Variants in PCDHA8 observed in about 807,000 individuals in gnomAD.
The protein encoded by PCDHA8 is protocadherin alpha 8, also known as protocadherin alpha-8.
PCDHA8 carries 53 observed loss-of-function variants against 61.8 expected under a neutral mutation model. That is an observed-to-expected ratio of 0.86 (90% confidence interval 0.69 to 1.08). The LOEUF (loss-of-function observed/expected upper bound fraction) is 1.08, where lower values mean the gene tolerates loss of function less well. PCDHA8 is among the 50% of genes least tolerant of loss of function. The pLI, the probability that PCDHA8 is intolerant of heterozygous loss-of-function variation, is 0.00. For synonymous variants in PCDHA8, 618 were observed against 556.6 expected (o/e 1.11, Z -1.55); for missense variants, 1,293 against 1,245.0 (o/e 1.04, Z -0.58).
At chr5:140,856,701 AAC>A (rs2150363820) in intron 1 of PCDHA8, 1 of 1,597,018 alleles carries the variant, frequency 6.3e-7, no homozygotes, top group East Asian at 2.2e-5. Context: ...GATGGAGGCA[AAC>A]CTGAATTTAC....
In PCDHA8 at chr5:140,843,056, A is replaced by C; in HGVS notation, c.1735A>C (p.Lys579Gln). Residue 579 changes from lysine to glutamine, a missense_variant, in exon 1 of 4, where the codon AAG (lysine) becomes CAG (glutamine). Lys to Gln is a moderately conservative substitution (Grantham distance 53, BLOSUM62 1). Coordinates refer to ENST00000531613, the MANE Select transcript of PCDHA8 (RefSeq NM_018911.3). ...GGGTGGCACTGGTGGCGCAGCGAGC[A>C]AGCTGGTGCCGCGGTCTGTGGGCGC... ...RVGGTGGAAS[K>Q]LVPRSVGAGH... 6.3e-7 allele frequency: 1 copy of C among 1,594,198 alleles called. No individual in the cohort carries two copies. Among genetic ancestry groups the C allele is most frequent in the Non-Finnish European group, 8.6e-7 (1 of 1,164,840 alleles).
chr5:140,874,111 G>T (rs977519429), intron 1 of PCDHA8, among the ~76,000 whole-genome samples: 2 of 152,056 alleles, frequency 1.3e-5, no homozygotes, highest in Non-Finnish European at 2.9e-5. Flanking sequence ...ATTACTTAAC[G>T]TTTTATAGTT....
intron 1 of PCDHA8, chr5:140,877,641 C>A: frequency 6.2e-7 from 1 of 1,613,592 alleles, no homozygotes; most frequent in Non-Finnish European, 8.5e-7. Flanking sequence ...CGCTGCGTTG[C>A]TCAGCGCCGC....
rs2150475215 is a variant in PCDHA8 at position 140,850,243 on chromosome 5, G to C, written c.2394+6528G>C. 8.4e-5 allele frequency: 134 copies of C among 1,593,880 alleles called. 16 individuals are homozygous for C. Among genetic ancestry groups the C allele is most frequent in the South Asian group, 5.0e-4 (45 of 90,414 alleles). On this transcript the variant is annotated intron_variant, in intron 1 of 3. Transcript: ENST00000531613. ...GGCGCAGTGAGCGAGATGGTGCTGC[G>C]GTCGGTGGGCGCCGGCGTAGTGGTG... is the stretch of plus-strand genomic sequence containing the variant.
chr5:140,903,765 C>G (rs782453519), intron 1 of PCDHA8, among the ~76,000 whole-genome samples: 1 of 152,086 alleles, frequency 6.6e-6, no homozygotes. Flanking sequence ...TTTTGCTGAA[C>G]TTTTCTATCC....
intron 1 of PCDHA8, chr5:140,862,465 G>A (rs1462351326): frequency 8.1e-6 from 3 of 371,280 alleles, no homozygotes; most frequent in Non-Finnish European, 1.6e-5. Flanking sequence ...GACCAAGAGA[G>A]CAAATCTATC....
At chr5:140,892,950 C>G (rs553307667) in intron 1 of PCDHA8, among the ~76,000 whole-genome samples, 21 of 152,188 alleles carry the variant, frequency 1.4e-4, no homozygotes, top group Non-Finnish European at 2.9e-4. Context: ...AATACTACTT[C>G]CATGAGCTCA....
intron 1 of PCDHA8, among the ~76,000 whole-genome samples, chr5:140,925,786 T>C (rs2082719026): frequency 1.3e-5 from 2 of 152,144 alleles, no homozygotes; most frequent in African/African-American, 4.8e-5. Context: ...CTAATGAGTA[T>C]CTCAGTACTT....
chr5:141,006,974 G>A (rs782657772), intron 3 of PCDHA8, among the ~76,000 whole-genome samples: 6 of 152,174 alleles, frequency 3.9e-5, no homozygotes, highest in Admixed American at 3.9e-4. Context: ...GGAGCACAGA[G>A]AGATGTGGGC....
At chr5:140,848,202 C>T in intron 1 of PCDHA8, 1 of 328,080 alleles carries the variant, frequency 3.0e-6, no homozygotes, top group South Asian at 5.4e-5. Flanking sequence ...TTTCAACAAT[C>T]ATTACTTAAG....
At chr5:140,938,684 A>T (rs1554212293) in intron 1 of PCDHA8, among the ~76,000 whole-genome samples, 1 of 152,046 alleles carries the variant, frequency 6.6e-6, no homozygotes, top group African/African-American at 2.4e-5. Flanking sequence ...CATTTTCTTT[A>T]CAGTTTTTAA....
Position 140,888,156 on chromosome 5 carries a change from A to T in PCDHA8, c.2394+44441A>T, listed in dbSNP as rs556908449. 2.0e-5 allele frequency among the ~76,000 whole-genome samples: 3 copies of T among 152,300 alleles called. No homozygotes were observed. In the South Asian group the frequency reaches 6.2e-4, roughly 32 times the overall value. On this transcript the variant is annotated intron_variant, in intron 1 of 3. Coordinates refer to ENST00000531613, the MANE Select transcript of PCDHA8 (RefSeq NM_018911.3). ...TTTCTTGCTGTTTTGCATGACTGGT[A>T]ATCTCTAATAAGATGCTAGACATTG...
intron 1 of PCDHA8, among the ~76,000 whole-genome samples, chr5:140,895,802 CTGTATTGTAT>C (rs1289601886): frequency 6.6e-6 from 1 of 152,048 alleles, no homozygotes; most frequent in Admixed American, 6.6e-5. Context: ...ATGTACAATA[CTGTATTGTAT>C]TGTATTGTAT....
intron 1 of PCDHA8, chr5:140,850,751 G>A (rs2041804257): frequency 6.3e-7 from 1 of 1,597,836 alleles, no homozygotes; most frequent in Non-Finnish European, 8.6e-7. Flanking sequence ...CGTACTCGCA[G>A]CAGAGGAGGC....
intron 1 of PCDHA8, among the ~76,000 whole-genome samples, chr5:140,962,643 T>G (rs1456773642): frequency 6.6e-6 from 1 of 152,222 alleles, no homozygotes; most frequent in Non-Finnish European, 1.5e-5. Context: ...GCCATCAAGT[T>G]ATGTGAAAAC....
At position 140,928,565 on chromosome 5, in the gene PCDHA8, C is replaced by T. The variant is rs1227327620; in HGVS notation, c.2395-50384C>T. 2.5e-6 allele frequency: 4 copies of T among 1,614,038 alleles called. No individual in the cohort carries two copies. The highest frequency in any genetic ancestry group is 3.4e-6 in the Non-Finnish European group (4 of 1,180,038). On this transcript the variant is annotated intron_variant, in intron 1 of 3. Transcript: ENST00000531613. Reference sequence around the variant, plus strand: ...GACAATTATCCGGTTATCTTGTTTCCCTTGCCCAGAAATGGTTCTGTCCCA... The same window carrying T: ...GACAATTATCCGGTTATCTTGTTTCTCTTGCCCAGAAATGGTTCTGTCCCA...
At position 140,973,488 on chromosome 5, in the gene PCDHA8, G is replaced by A. The variant is rs186493160; in HGVS notation, c.2395-5461G>A. Reference sequence around the variant, plus strand: ...GTTTGCAAATTTCATATTGGTCACAGGACTCTTCTTCTGAGAAAAAGTTTA... The same window carrying A: ...GTTTGCAAATTTCATATTGGTCACAAGACTCTTCTTCTGAGAAAAAGTTTA... On this transcript the variant is annotated intron_variant, in intron 1 of 3. Coordinates refer to ENST00000531613, the MANE Select transcript of PCDHA8 (RefSeq NM_018911.3). Among the ~76,000 whole-genome samples, 7 of 152,228 alleles carry A rather than the reference G, an allele frequency of 4.6e-5. No homozygotes were observed. The East Asian group carries it at 1.3e-3, about 29-fold the overall frequency.
chr5:140,852,789 C>T, intron 1 of PCDHA8: 1 of 977,530 alleles, frequency 1.0e-6, no homozygotes, highest in Non-Finnish European at 1.2e-6. Context: ...TAGAGGGATG[C>T]TACAGATGTC....
intron 1 of PCDHA8, among the ~76,000 whole-genome samples, chr5:140,924,565 T>A (rs1213361312): frequency 2.0e-5 from 3 of 152,102 alleles, no homozygotes; most frequent in Admixed American, 2.0e-4. Flanking sequence ...TAATCAGCAA[T>A]TTTTAAATGT....
Sources: gnomAD v4.1 joint callset for allele counts (sites outside exome capture counted in the v4.1 genomes callset) on GRCh38, gnomAD v4.1.1 for gene constraint, MANE v1.5 for transcripts, NCBI Gene and HGNC (gene_info 2026-07-23, HGNC 2026-07-21) for gene names.